The following CENPK variants were observed in gnomAD, a reference collection of about 807,000 sequenced individuals.
CENPK encodes the protein centromere protein K, also known as SoxLZ/Sox6-binding protein Solt.
CENPK carries 46 observed loss-of-function variants against 40.9 expected under a neutral mutation model. That is an observed-to-expected ratio of 1.13 (90% confidence interval 0.89 to 1.44). CENPK has a LOEUF of 1.44. Among genes scored for constraint, CENPK ranks in the 40% most tolerant of loss-of-function variants. CENPK has a pLI of 0.00. For missense variants in CENPK, 288 were observed against 303.5 expected, an observed-to-expected ratio of 0.95 and a Z score of 0.38; for synonymous variants, 107 against 104.4, an observed-to-expected ratio of 1.02 and a Z score of -0.15.
rs577035824 is a variant in CENPK, at chr5:65,547,421, G to C, written c.241+4143C>G. ...AAAAAAAAAAAAATTTTGAGTATGA[G>C]CAGTTTTTGAGATGCTAAATATACT... On this transcript the variant is annotated intron_variant, in intron 5 of 10. Coordinates refer to ENST00000396679, the MANE Select transcript of CENPK (RefSeq NM_022145.5). 3.3e-5 allele frequency among the ~76,000 whole-genome samples: 5 copies of C among 151,484 alleles called. No homozygotes were observed. The East Asian group carries it at 9.7e-4, about 29-fold the overall frequency.
chr5:65,533,523 T>C lies in CENPK; in HGVS notation c.289-4324A>G, dbSNP rs1053607456. ...GATAACATCAGGAACAAGGCAAAGA[T>C]GTCCATTCTTACCGTTTCTATTCAA... On this transcript the variant is annotated intron_variant, in intron 6 of 10. Transcript: ENST00000396679. 6.6e-5 allele frequency among the ~76,000 whole-genome samples: 10 copies of C among 152,214 alleles called. No individual in the cohort carries two copies. The East Asian group carries it at 1.7e-3, about 26-fold the overall frequency.
intron 5 of CENPK, among the ~76,000 whole-genome samples, chr5:65,547,657 T>C (rs1248577936): frequency 6.6e-6 from 1 of 151,954 alleles, no homozygotes; most frequent in East Asian, 1.9e-4. Context: ...TGAAGATTGC[T>C]CCTTGGGGAA....
rs750256768 is a variant in CENPK, at chr5:65,551,572, G to GT, written c.232dup (p.Thr78AsnfsTer3). The stretch of plus-strand genomic sequence containing the variant: ...TAAAATAAGAATCTTACTTTCAGGT[G>GT]TTTTTTTCTGCCATTGACTGAGTTC... On this transcript the variant is annotated frameshift_variant, in exon 5 of 11. Coordinates refer to ENST00000396679, the MANE Select transcript of CENPK (RefSeq NM_022145.5). LOFTEE classifies it high-confidence loss of function. The GT allele has an allele frequency of 7.2e-6, 11 of 1,530,382 alleles. No individual in the cohort carries two copies. Among genetic ancestry groups the GT allele is most frequent in the Admixed American group, 3.9e-5 (2 of 51,250 alleles). 94.8% of individuals were successfully genotyped at this position (1,530,382 alleles called of 1,614,324 possible).
At chr5:65,528,785 T>G in intron 8 of CENPK, 134 bp downstream of exon 8, 1 of 884,704 alleles carries the variant, frequency 1.1e-6, no homozygotes, top group Non-Finnish European at 1.7e-6. Context: ...AAAGATCATA[T>G]AATAGCTAAT....
chr5:65,561,164 T>A, intron 2 of CENPK: 2 of 175,424 alleles, frequency 1.1e-5, no homozygotes, highest in East Asian at 3.0e-4. Context: ...ACAATTTGAA[T>A]GTCAACTAGT....
the CENPK span, among the ~76,000 whole-genome samples, chr5:65,512,729 C>G: frequency 2.6e-4 from 40 of 152,250 alleles, no homozygotes; most frequent in South Asian, 1.0e-3. Flanking sequence ...TGTCTGGAAC[C>G]AAACCCACAG....
At chr5:65,548,069 G>A (rs1173836003) in intron 5 of CENPK, among the ~76,000 whole-genome samples, 1 of 152,142 alleles carries the variant, frequency 6.6e-6, no homozygotes, top group Non-Finnish European at 1.5e-5. Flanking sequence ...CAGAGCGGGA[G>A]AAGAAAGAAG....
intron 6 of CENPK, chr5:65,529,510 GAC>G (rs1745352932): frequency 3.9e-5 from 8 of 203,886 alleles, no homozygotes; most frequent in Non-Finnish European, 7.7e-5. Context: ...TTTTTTTTGA[GAC>G]AGTCTCACTC....
chr5:65,531,273 T>C (rs1561640590), intron 6 of CENPK, among the ~76,000 whole-genome samples: 1 of 152,134 alleles, frequency 6.6e-6, no homozygotes, highest in African/African-American at 2.4e-5. Context: ...GAAAGGTATG[T>C]AGAAATCTTT....
At chr5:65,519,087 C>T (rs941194627) in intron 10 of CENPK, among the ~76,000 whole-genome samples, 2 of 152,156 alleles carry the variant, frequency 1.3e-5, no homozygotes, top group Admixed American at 1.3e-4. Flanking sequence ...TTATCATCAT[C>T]ACTTCCTTCA....
chr5:65,504,605 T>TC, the CENPK span, among the ~76,000 whole-genome samples: 4 of 152,202 alleles, frequency 2.6e-5, no homozygotes, highest in Non-Finnish European at 5.9e-5. Flanking sequence ...CTGTTTTTTT[T>TC]CCCACTATGA....
chr5:65,554,901 G>T lies in CENPK; in HGVS notation c.7C>A (p.Gln3Lys). 1 of 1,553,320 alleles carries T rather than the reference G, an allele frequency of 6.4e-7. No individual in the cohort carries two copies. Among genetic ancestry groups the T allele is most frequent in the Non-Finnish European group, 8.9e-7 (1 of 1,128,732 alleles). Residue 3 changes from glutamine to lysine, a missense_variant, in exon 3 of 11, where the codon CAG (glutamine) becomes AAG (lysine). Coordinates refer to ENST00000396679, the MANE Select transcript of CENPK (RefSeq NM_022145.5). The part of the protein sequence containing the change: MN[Q>K]EDLDPDSTTD... ...GTACTATCCGGATCTAGATCCTCCTGATTCATTGATATATGCTTTGTGAAT... is the reference window on the plus strand; with the variant it reads ...GTACTATCCGGATCTAGATCCTCCTTATTCATTGATATATGCTTTGTGAAT...
intron 6 of CENPK, among the ~76,000 whole-genome samples, chr5:65,532,910 C>CA (rs60713724): frequency 0.28 from 10,194 of 36,870 alleles, 3,042 homozygotes; most frequent in Non-Finnish European, 0.34. Context: ...ACTCCATCTC[C>CA]AAAAAAAAAA....
intron 6 of CENPK, among the ~76,000 whole-genome samples, chr5:65,541,190 G>A (rs1350392240): frequency 6.6e-6 from 1 of 152,088 alleles, no homozygotes; most frequent in African/African-American, 2.4e-5. Flanking sequence ...TCAGTTCTGT[G>A]AGCTGCTCTG....
intron 5 of CENPK, among the ~76,000 whole-genome samples, chr5:65,549,266 T>C (rs1426731732): frequency 3.3e-5 from 5 of 152,124 alleles, no homozygotes; most frequent in East Asian, 3.9e-4. Flanking sequence ...CAGTAAACCA[T>C]GCTATAAACA....
Position 65,528,458 on chromosome 5 carries a change from C to CT in CENPK, c.590dup (p.Lys198GlufsTer17), listed in dbSNP as rs1284629517. On this transcript the variant is annotated frameshift_variant, in exon 9 of 11. Transcript: ENST00000396679. LOFTEE classifies it high-confidence loss of function. ...TGTCTTCTCTAAAACTTACCTTTTT[C>CT]TTTTTAACACTTCTATCAGGCAGAG... 1 of 1,587,066 alleles carries CT rather than the reference C, an allele frequency of 6.3e-7. No individual in the cohort carries two copies. Among genetic ancestry groups the CT allele is most frequent in the Non-Finnish European group, 8.5e-7 (1 of 1,172,904 alleles).
downstream of CENPK, among the ~76,000 whole-genome samples, chr5:65,513,746 G>C (rs186226996): frequency 2.0e-5 from 3 of 152,306 alleles, no homozygotes; most frequent in East Asian, 5.8e-4. Context: ...AACTTCCAGT[G>C]CAACATTAAA....
chr5:65,544,195 C>G, intron 5 of CENPK, among the ~76,000 whole-genome samples: 1 of 152,120 alleles, frequency 6.6e-6, no homozygotes, highest in East Asian at 1.9e-4. Flanking sequence ...CTTGCTGTGT[C>G]CTCACATAGT....
chr5:65,548,659 G>C (rs141524149), intron 5 of CENPK, among the ~76,000 whole-genome samples: 2 of 152,226 alleles, frequency 1.3e-5, no homozygotes, highest in Non-Finnish European at 2.9e-5. Flanking sequence ...TAAATCTTTT[G>C]TTGTCATTTC....
Sources: allele counts gnomAD v4.1 joint callset (sites outside exome capture counted in the v4.1 genomes callset), GRCh38; gene constraint gnomAD v4.1.1; transcripts MANE v1.5; gene names NCBI Gene and HGNC (gene_info 2026-07-23, HGNC 2026-07-21).